Variants in MACC1 observed in about 807,000 individuals in gnomAD.
MACC1 encodes metastasis-associated in colon cancer protein 1.
In MACC1, 79 loss-of-function variants were observed where a neutral mutation model predicts 70.7. The ratio of observed to expected loss-of-function variants is 1.12; its 90% CI spans 0.93 to 1.35. The LOEUF is 1.35. Ranked by LOEUF, MACC1 falls within the 40% of genes most tolerant of loss-of-function variation. The pLI, the probability that MACC1 is intolerant of heterozygous loss-of-function variation, is 0.00. For synonymous variants in MACC1, 361 were observed against 347.2 expected (o/e 1.04, Z -0.44); for missense variants, 1,106 against 978.1 (o/e 1.13, Z -1.74).
chr7:20,192,114 G>A (rs1197757441), intron 1 of MACC1, among the ~76,000 whole-genome samples: 1 of 152,092 alleles, frequency 6.6e-6, no homozygotes, highest in African/African-American at 2.4e-5. Context: ...TGTTAAGTAC[G>A]TTTAGTAGAT....
intron 1 of MACC1, among the ~76,000 whole-genome samples, chr7:20,205,250 C>G (rs1782894398): frequency 6.6e-6 from 1 of 152,064 alleles, no homozygotes; most frequent in Admixed American, 6.5e-5. Context: ...CTATTGCATA[C>G]AATTAAAGTT....
Position 20,160,163 on chromosome 7 carries a change from T to G in MACC1, c.198A>C (p.Pro66=). The G allele has an allele frequency of 6.2e-7, 1 of 1,611,904 alleles. No homozygotes were observed. The highest frequency in any genetic ancestry group is 1.1e-5 in the South Asian group (1 of 90,276). ...TAGAAGCAGACAGTTGATTCCAGAA[T>G]GGATTTGCAACTTTGGAAGCATTAT... ...RGNNASKVAN[P]FWNQLSASNP... The change falls in exon 5 of 7, where the codon CCA becomes CCC. Residue 66 remains proline (P), a synonymous_variant. Transcript: ENST00000400331.
At chr7:20,195,473 A>G (rs567435495) in intron 1 of MACC1, among the ~76,000 whole-genome samples, 57 of 152,360 alleles carry the variant, frequency 3.7e-4, no homozygotes, top group African/African-American at 1.3e-3. Flanking sequence ...TCAACAGTCT[A>G]TAGGAGGAGC....
intron 2 of MACC1, among the ~76,000 whole-genome samples, chr7:20,166,164 C>T (rs1782214757): frequency 6.6e-6 from 1 of 152,088 alleles, no homozygotes; most frequent in Non-Finnish European, 1.5e-5. Flanking sequence ...CCTGAAACCT[C>T]GATGATTTCC....
chr7:20,156,790 C>T (rs1782060917), intron 5 of MACC1, among the ~76,000 whole-genome samples: 1 of 152,102 alleles, frequency 6.6e-6, no homozygotes, highest in Non-Finnish European at 1.5e-5. Context: ...TTATATGAAT[C>T]ATTGTTAATG....
intron 6 of MACC1, chr7:20,147,362 T>G (rs921346362): frequency 4.6e-5 from 7 of 152,226 alleles, no homozygotes; most frequent in Admixed American, 1.3e-4. Context: ...TAACTACTTT[T>G]GGATAATTAC....
intron 1 of MACC1, among the ~76,000 whole-genome samples, chr7:20,214,097 A>G (rs993030411): frequency 1.1e-4 from 17 of 151,918 alleles, no homozygotes; most frequent in African/African-American, 3.9e-4. Flanking sequence ...TCCTGGTGTC[A>G]TATTCCCTAT....
At chr7:20,174,268 G>A (rs1268776301) in intron 1 of MACC1, among the ~76,000 whole-genome samples, 1 of 152,174 alleles carries the variant, frequency 6.6e-6, no homozygotes, top group Non-Finnish European at 1.5e-5. Flanking sequence ...ATCGTGTTGG[G>A]AAGCTTTCCC....
Position 20,150,318 on chromosome 7 carries a change from C to T in MACC1, c.2346+3875G>A, listed in dbSNP as rs544708718. The T allele has an allele frequency of 2.0e-4, 31 of 152,196 alleles. 1 individual carries two copies. The highest frequency in any genetic ancestry group is 7.0e-4 in the African/African-American group (29 of 41,522). 9.4% of individuals were successfully genotyped at this position (152,196 alleles called of 1,614,324 possible). On this transcript the variant is annotated intron_variant, in intron 6 of 6. Coordinates refer to ENST00000400331, the MANE Select transcript of MACC1 (RefSeq NM_182762.4). The stretch of plus-strand genomic sequence containing the variant: ...ATATGGATGAATTAAATACTGAAGG[C>T]TAGGACACAGATATAAGATACTAAA...
Position 20,175,871 on chromosome 7 carries a change from T to C in MACC1, c.-217-5093A>G, listed in dbSNP as rs180711910. On this transcript the variant is annotated intron_variant, in intron 1 of 6. Transcript: ENST00000400331. ...CAATTCCTTAGAACTATTTGGAATA[T>C]AGCAAATATAAAGCTGGAACAATAA... Among the ~76,000 whole-genome samples the C allele has an allele frequency of 5.3e-5, 8 of 152,248 alleles. No individual in the cohort carries two copies. In the East Asian group the frequency reaches 1.3e-3, roughly 26 times the overall value.
At chr7:20,199,866 T>C (rs1282919745) in intron 1 of MACC1, among the ~76,000 whole-genome samples, 1 of 152,194 alleles carries the variant, frequency 6.6e-6, no homozygotes, top group Non-Finnish European at 1.5e-5. Context: ...AATTAAATGT[T>C]CTATAAAATG....
At chr7:20,163,904 G>C (rs1562587807) in intron 3 of MACC1, among the ~76,000 whole-genome samples, 1 of 152,102 alleles carries the variant, frequency 6.6e-6, no homozygotes, top group Non-Finnish European at 1.5e-5. Context: ...CCACCTTCTA[G>C]TTCACATTTC....
At chr7:20,152,540 T>A (rs1005463904) in intron 6 of MACC1, among the ~76,000 whole-genome samples, 3 of 152,234 alleles carry the variant, frequency 2.0e-5, no homozygotes, top group African/African-American at 7.2e-5. Flanking sequence ...TTTTTCTAAG[T>A]ATTTAATAAC....
chr7:20,217,126 C>T (rs1226564115), intron 1 of MACC1, among the ~76,000 whole-genome samples, 173 bp downstream of exon 1: 3 of 152,084 alleles, frequency 2.0e-5, no homozygotes, highest in Non-Finnish European at 4.4e-5. Context: ...GAGGTTTATT[C>T]TAACACATGT....
chr7:20,165,229 T>C (rs1275759108), intron 2 of MACC1, among the ~76,000 whole-genome samples: 1 of 152,192 alleles, frequency 6.6e-6, no homozygotes, highest in Admixed American at 6.6e-5. Flanking sequence ...AACAACCCTT[T>C]GGAACCACCC....
At chr7:20,201,057 G>A (rs10249826) in intron 1 of MACC1, among the ~76,000 whole-genome samples, 13,652 of 152,288 alleles carry the variant, frequency 0.09, 705 homozygotes, top group Admixed American at 0.14. Flanking sequence ...TCTAAAGGGA[G>A]AGAAGTGGTA....
In MACC1 at chr7:20,159,886, T is replaced by C. The variant is rs1338654198; in HGVS notation, c.475A>G (p.Asn159Asp). Residue 159 changes from asparagine (N) to aspartate (D), a missense_variant, in exon 5 of 7, where the codon AAC becomes GAC. Asn to Asp is a conservative substitution (Grantham distance 23). Transcript: ENST00000400331. ...DTAHAHQSIHNSDQILLHDLE... is the reference protein window; with the variant it reads ...DTAHAHQSIHDSDQILLHDLE... ...TCGTGTAGTAGGATCTGGTCAGAGTTATGTATACTCTGATGGGCATGTGCT... is the reference window on the plus strand; with the variant it reads ...TCGTGTAGTAGGATCTGGTCAGAGTCATGTATACTCTGATGGGCATGTGCT... The C allele has an allele frequency of 6.2e-7, 1 of 1,614,112 alleles. No homozygotes were observed. The highest frequency in any genetic ancestry group is 8.5e-7 in the Non-Finnish European group (1 of 1,180,006).
chr7:20,146,284 T>C (rs984001201), intron 6 of MACC1, among the ~76,000 whole-genome samples: 15 of 152,278 alleles, frequency 9.9e-5, no homozygotes, highest in African/African-American at 3.1e-4. Context: ...TATATGAACA[T>C]TTGGACACAA....
chr7:20,185,491 A>AAT (rs1554290660), intron 1 of MACC1, among the ~76,000 whole-genome samples: 7 of 151,534 alleles, frequency 4.6e-5, no homozygotes, highest in South Asian at 2.1e-4. Context: ...TAAAAAAAAA[A>AAT]TTTTTTTTCT....
Sources: gnomAD v4.1 joint callset for allele counts (sites outside exome capture counted in the v4.1 genomes callset) on GRCh38, gnomAD v4.1.1 for gene constraint, MANE v1.5 for transcripts, NCBI Gene and HGNC (gene_info 2026-07-23, HGNC 2026-07-21) for gene names.